The following FAM117A variants were observed in gnomAD, a reference collection of about 807,000 sequenced individuals.
FAM117A encodes the protein family with sequence similarity 117 member A.
FAM117A carries 21 observed loss-of-function variants against 44.1 expected under a neutral mutation model. That is an observed-to-expected ratio of 0.48 (90% confidence interval 0.34 to 0.69). FAM117A has a LOEUF of 0.69. Among genes scored for constraint, FAM117A ranks in the 30% least tolerant of loss-of-function variants. The pLI is 0.01. For missense variants in FAM117A, 498 were observed against 589.9 expected (o/e 0.84, Z 1.61); for synonymous variants, 220 against 238.3 (o/e 0.92, Z 0.71).
chr17:49,732,861 G>A, intron 1 of FAM117A, 141 bp from the exon 2 acceptor site: 1 of 841,862 alleles, frequency 1.2e-6, no homozygotes, highest in Non-Finnish European at 1.8e-6. Flanking sequence ...ATTTGAAGCA[G>A]CCTGAAACAG....
rs1381829254 is a variant in FAM117A, at chr17:49,736,320, A to T, written c.197-3600T>A. ...CGCCCAGGCTGGAGTGCAGTGGCAC[A>T]AGCTCGGCTTACTGCAAGCTCCGCC... On this transcript the variant is annotated intron_variant, in intron 1 of 7. Transcript: ENST00000240364. 2.6e-5 allele frequency among the ~76,000 whole-genome samples: 4 copies of T among 151,726 alleles called. No homozygotes were observed. In the East Asian group the frequency reaches 7.8e-4, roughly 29 times the overall value.
At chr17:49,780,806 C>A (rs1395346759) in intron 1 of FAM117A, among the ~76,000 whole-genome samples, 1 of 152,132 alleles carries the variant, frequency 6.6e-6, no homozygotes, top group Non-Finnish European at 1.5e-5. Context: ...GGAGAAAATA[C>A]TAAAGACATG....
intron 1 of FAM117A, among the ~76,000 whole-genome samples, chr17:49,743,086 A>G (rs1439103496): frequency 6.6e-6 from 1 of 152,190 alleles, no homozygotes; most frequent in Non-Finnish European, 1.5e-5. Context: ...CCCAAACAGA[A>G]GATTTCTGAA....
intron 1 of FAM117A, among the ~76,000 whole-genome samples, chr17:49,774,659 A>C (rs1376556152): frequency 6.6e-6 from 1 of 151,990 alleles, no homozygotes. Flanking sequence ...TGCTCTGTCA[A>C]CTCTGGTATT....
chr17:49,766,945 C>A (rs536822076), upstream of FAM117A, among the ~76,000 whole-genome samples: 1 of 152,034 alleles, frequency 6.6e-6, no homozygotes, highest in Non-Finnish European at 1.5e-5. Flanking sequence ...AGAACCTGGA[C>A]GGTAGAAAAA....
At chr17:49,744,787 G>A (rs2073648171) in intron 1 of FAM117A, among the ~76,000 whole-genome samples, 1 of 151,484 alleles carries the variant, frequency 6.6e-6, no homozygotes, top group African/African-American at 2.4e-5. Context: ...ACTGGGGCAG[G>A]AGGATCACTT....
intron 7 of FAM117A, among the ~76,000 whole-genome samples, chr17:49,715,674 C>G (rs117161148): frequency 6.6e-6 from 1 of 152,154 alleles, no homozygotes; most frequent in African/African-American, 2.4e-5. Flanking sequence ...CCACTGCAGC[C>G]ACAGGGTGAA....
chr17:49,729,669 C>T (rs2073576467), intron 2 of FAM117A, among the ~76,000 whole-genome samples: 1 of 151,912 alleles, frequency 6.6e-6, no homozygotes, highest in African/African-American at 2.4e-5. Flanking sequence ...CCATGCCCAG[C>T]TAATTTTTGT....
Position 49,717,552 on chromosome 17 carries a change from C to G in FAM117A, c.871G>C (p.Gly291Arg). The change falls in exon 6 of 8, where the codon GGT (glycine) becomes CGT (arginine). Residue 291 changes from glycine (G) to arginine (R), a missense_variant. Around this residue, in one of 3 missense-constraint regions of FAM117A, gnomAD observed 224 missense variants for 296.5 expected, o/e 0.76. Coordinates refer to ENST00000240364, the MANE Select transcript of FAM117A (RefSeq NM_030802.4). Reference sequence around the variant, plus strand: ...GTGGATGCCAGCTCCTCGGCGGCACCCCGATGTTCCTCATGACTGGCCAGG... The same window carrying G: ...GTGGATGCCAGCTCCTCGGCGGCACGCCGATGTTCCTCATGACTGGCCAGG... ...CGLASHEEHRGAAEELASTPN... is the reference protein window; with the variant it reads ...CGLASHEEHRRAAEELASTPN... 6.2e-7 allele frequency: 1 copy of G among 1,614,078 alleles called. No homozygotes were observed. The highest frequency in any genetic ancestry group is 8.5e-7 in the Non-Finnish European group (1 of 1,179,982).
intron 2 of FAM117A, among the ~76,000 whole-genome samples, chr17:49,727,659 G>A (rs2073566015): frequency 1.3e-5 from 2 of 152,138 alleles, no homozygotes; most frequent in South Asian, 4.1e-4. Flanking sequence ...GTGGAGGACA[G>A]TTTCTCAAAG....
intron 2 of FAM117A, among the ~76,000 whole-genome samples, chr17:49,728,174 T>C (rs1201305880): frequency 1.3e-5 from 2 of 152,192 alleles, no homozygotes; most frequent in Non-Finnish European, 2.9e-5. Context: ...TGATCGCCAA[T>C]CTGGAAAACA....
At chr17:49,761,547 A>G (rs1056555428) in intron 1 of FAM117A, among the ~76,000 whole-genome samples, 9 of 152,356 alleles carry the variant, frequency 5.9e-5, no homozygotes, top group Admixed American at 1.3e-4. Flanking sequence ...TAAGACACAG[A>G]AAGAACTTCC....
intron 1 of FAM117A, among the ~76,000 whole-genome samples, chr17:49,781,356 G>A (rs1205422258): frequency 1.3e-5 from 2 of 152,158 alleles, no homozygotes; most frequent in Non-Finnish European, 2.9e-5. Context: ...AAAATGACAA[G>A]ATTTTTAAAA....
chr17:49,780,373 T>C (rs1293386574), intron 1 of FAM117A, among the ~76,000 whole-genome samples: 1 of 152,190 alleles, frequency 6.6e-6, no homozygotes, highest in Non-Finnish European at 1.5e-5. Context: ...TCATGGTTCT[T>C]ATAGTGGGCA....
chr17:49,726,188 G>A (rs1191889213), intron 2 of FAM117A, among the ~76,000 whole-genome samples: 1 of 152,190 alleles, frequency 6.6e-6, no homozygotes, highest in Non-Finnish European at 1.5e-5. Flanking sequence ...TCCTGTGTTT[G>A]AAGTTGTTGA....
chr17:49,760,676 T>C (rs1598034136), intron 1 of FAM117A, among the ~76,000 whole-genome samples: 1 of 152,168 alleles, frequency 6.6e-6, no homozygotes. Context: ...TGAAACATTA[T>C]CTTCATTTTA....
At chr17:49,732,862 C>A (rs2073592505) in intron 1 of FAM117A, 142 bp from the exon 2 acceptor site, 5 of 845,156 alleles carry the variant, frequency 5.9e-6, no homozygotes, top group Admixed American at 2.5e-5. Flanking sequence ...TTTGAAGCAG[C>A]CTGAAACAGC....
upstream of FAM117A, chr17:49,789,018 CCTGG>C (rs2073846769): frequency 1.9e-6 from 1 of 529,844 alleles, no homozygotes. Flanking sequence ...TGGGCCCGAC[CCTGG>C]CCTCGGCCTA....
At chr17:49,787,195 T>C (rs1161905657) in intron 1 of FAM117A, among the ~76,000 whole-genome samples, 2 of 152,228 alleles carry the variant, frequency 1.3e-5, no homozygotes, top group Admixed American at 6.5e-5. Context: ...AACATTCAAA[T>C]GTAACCTCAG....
Sources: gnomAD v4.1 joint callset for allele counts (sites outside exome capture counted in the v4.1 genomes callset) on GRCh38, gnomAD v4.1.1 for gene constraint, gnomAD v4.1.1 regional missense constraint, MANE v1.5 for transcripts, NCBI Gene and HGNC (gene_info 2026-07-23, HGNC 2026-07-21) for gene names.